CEP63: variants seen among roughly 807,000 people sequenced by gnomAD.
The protein encoded by CEP63 is centrosomal protein 63.
In CEP63, 84 loss-of-function variants were observed where a neutral mutation model predicts 89.1. That is an observed-to-expected ratio of 0.94 (90% CI 0.79 to 1.13). The LOEUF is 1.13. CEP63 is among the 50% of genes most tolerant of loss of function. CEP63 has a pLI of 0.00. For missense variants in CEP63, 838 were observed against 813.3 expected (o/e 1.03, Z -0.37); for synonymous variants, 267 against 272.5 (o/e 0.98, Z 0.20).
the CEP63 span, among the ~76,000 whole-genome samples, chr3:134,705,113 TTCTG>T: frequency 6.6e-6 from 1 of 152,204 alleles, no homozygotes; most frequent in Non-Finnish European, 1.5e-5. Context: ...CCCTTTTGGA[TTCTG>T]TCTTAGTTCA....
the CEP63 span, among the ~76,000 whole-genome samples, chr3:134,597,503 A>G: frequency 6.6e-6 from 1 of 152,156 alleles, no homozygotes; most frequent in African/African-American, 2.4e-5. Flanking sequence ...CTTCTGGAAG[A>G]AGTTGCTGAT....
At chr3:134,544,738 T>TCC (rs1486376162) in intron 6 of CEP63, among the ~76,000 whole-genome samples, 1 of 152,206 alleles carries the variant, frequency 6.6e-6, no homozygotes, top group African/African-American at 2.4e-5. Flanking sequence ...TTTCCTATGT[T>TCC]TTAAATAGGA....
At position 134,561,446 on chromosome 3, in the gene CEP63, C is replaced by T. The variant is rs1308001602; in HGVS notation, c.2023C>T (p.His675Tyr). 1 of 1,613,794 alleles carries T rather than the reference C, an allele frequency of 6.2e-7. No homozygotes were observed. Among genetic ancestry groups the T allele is most frequent in the Non-Finnish European group, 8.5e-7 (1 of 1,179,898 alleles). ...TTTGGAAGAGGAGGAACTGAGGTCT[C>T]ATCACATTCTAGAGCGCTTGGATGC... ...RFLEEEELRS[H>Y]HILERLDAHI... is the part of the protein sequence containing the mutation. The change falls in exon 15 of 15, where the codon CAT becomes TAT. Residue 675 changes from histidine (H) to tyrosine (Y), a missense_variant. Coordinates refer to ENST00000675561, the MANE Select transcript of CEP63 (RefSeq NM_001353108.3).
the CEP63 span, among the ~76,000 whole-genome samples, chr3:134,746,585 T>G: frequency 6.6e-6 from 1 of 152,230 alleles, no homozygotes; most frequent in African/African-American, 2.4e-5. Context: ...TAGCATCTGT[T>G]GTTTCCTGAC....
At chr3:134,662,962 C>T in the CEP63 span, among the ~76,000 whole-genome samples, 1 of 152,160 alleles carries the variant, frequency 6.6e-6, no homozygotes, top group Non-Finnish European at 1.5e-5. Flanking sequence ...TTGCCAGGTA[C>T]CCTCAGTCCA....
At chr3:134,509,589 A>G (rs887022331) in intron 3 of CEP63, among the ~76,000 whole-genome samples, 3 of 152,182 alleles carry the variant, frequency 2.0e-5, no homozygotes, top group Non-Finnish European at 2.9e-5. Flanking sequence ...ATTATTTTTT[A>G]TATCTTCATT....
At chr3:134,655,301 T>C in the CEP63 span, among the ~76,000 whole-genome samples, 1 of 152,218 alleles carries the variant, frequency 6.6e-6, no homozygotes, top group African/African-American at 2.4e-5. Context: ...ATCACTGCTC[T>C]GTGGCCACTG....
the CEP63 span, among the ~76,000 whole-genome samples, chr3:134,729,162 G>A: frequency 1.3e-5 from 2 of 151,970 alleles, no homozygotes; most frequent in African/African-American, 2.4e-5. Flanking sequence ...AAATCAAAAC[G>A]ATACAAAATG....
At chr3:134,767,361 A>G in the CEP63 span, among the ~76,000 whole-genome samples, 1 of 152,170 alleles carries the variant, frequency 6.6e-6, no homozygotes, top group African/African-American at 2.4e-5. Context: ...GACTGTTTCA[A>G]TTGGTTAATA....
At chr3:134,608,061 G>C in the CEP63 span, 6 of 1,084,866 alleles carry the variant, frequency 5.5e-6, no homozygotes, top group African/African-American at 4.9e-5. Flanking sequence ...CCAACTCTCT[G>C]TCTTGGGTGG....
the CEP63 span, among the ~76,000 whole-genome samples, chr3:134,616,011 G>A: frequency 6.6e-6 from 1 of 152,228 alleles, no homozygotes. Context: ...AAACCTGCTA[G>A]CTGGTGATGC....
At chr3:134,692,737 G>A in the CEP63 span, among the ~76,000 whole-genome samples, 7 of 152,184 alleles carry the variant, frequency 4.6e-5, no homozygotes, top group African/African-American at 1.7e-4. Context: ...TCACACAGAC[G>A]TGTGCACATT....
the CEP63 span, among the ~76,000 whole-genome samples, chr3:134,611,092 A>G: frequency 2.0e-5 from 3 of 152,118 alleles, no homozygotes; most frequent in Admixed American, 6.5e-5. Flanking sequence ...ATGGTGCATT[A>G]AGGTCATTTG....
At chr3:134,594,409 C>T in the CEP63 span, among the ~76,000 whole-genome samples, 10 of 152,170 alleles carry the variant, frequency 6.6e-5, no homozygotes, top group African/African-American at 1.2e-4. Flanking sequence ...ATGGCTGATT[C>T]GTTGTGTCAC....
chr3:134,744,457 G>A, the CEP63 span, among the ~76,000 whole-genome samples: 2 of 152,202 alleles, frequency 1.3e-5, no homozygotes, highest in South Asian at 4.1e-4. Context: ...GGCAATTTGG[G>A]AAGAAGCATT....
downstream of CEP63, among the ~76,000 whole-genome samples, chr3:134,579,036 C>T (rs144242669): frequency 6.6e-6 from 1 of 152,242 alleles, no homozygotes. Context: ...GGATTACAGG[C>T]GTGAGCCACT....
chr3:134,765,383 C>T, the CEP63 span, among the ~76,000 whole-genome samples: 1 of 152,174 alleles, frequency 6.6e-6, no homozygotes, highest in Admixed American at 6.5e-5. Context: ...GACAGAGCAG[C>T]TATGAGGATA....
intron 3 of CEP63, among the ~76,000 whole-genome samples, chr3:134,519,883 A>G (rs1304529589): frequency 1.3e-5 from 2 of 152,230 alleles, no homozygotes; most frequent in East Asian, 3.8e-4. Flanking sequence ...TCCATTTGTG[A>G]TAAAAATATT....
intron 9 of CEP63, among the ~76,000 whole-genome samples, chr3:134,548,526 A>ATCATGATCATT (rs1954106790): frequency 6.6e-6 from 1 of 152,210 alleles, no homozygotes; most frequent in African/African-American, 2.4e-5. Context: ...AAACACATGA[A>ATCATGATCATT]TCATGATCAT....
Sources: allele counts gnomAD v4.1 joint callset (sites outside exome capture counted in the v4.1 genomes callset), GRCh38; gene constraint gnomAD v4.1.1; transcripts MANE v1.5; gene names NCBI Gene and HGNC (gene_info 2026-07-23, HGNC 2026-07-21).